Variants in ALMS1 observed in about 807,000 individuals in gnomAD.
The protein encoded by ALMS1 is ALMS1 centrosome and basal body associated protein.
A neutral mutation model predicts 352.2 loss-of-function variants in ALMS1; 271 were observed. The observed-to-expected ratio is 0.77, with a 90% confidence interval of 0.70 to 0.85. The LOEUF (loss-of-function observed/expected upper bound fraction) is 0.85. Ranked by LOEUF, ALMS1 falls within the 40% of genes least tolerant of loss-of-function variation. ALMS1 has a pLI of 0.00. For missense variants in ALMS1, 5,445 were observed against 4,870.7 expected, an observed-to-expected ratio of 1.12 and a Z score of -3.51; for synonymous variants, 1,865 against 1,761.2, an observed-to-expected ratio of 1.06 and a Z score of -1.48.
At chr2:73,494,563 A>G (rs1163363078) in intron 10 of ALMS1, among the ~76,000 whole-genome samples, 2 of 152,218 alleles carry the variant, frequency 1.3e-5, no homozygotes, top group Middle Eastern at 6.8e-3. Context: ...CCTCCAATCT[A>G]TGACAGTTTC....
At chr2:73,600,939 C>T (rs1447878033) in intron 18 of ALMS1, 58 bp downstream of exon 18, 103 of 1,548,514 alleles carry the variant, frequency 6.7e-5, no homozygotes, top group Non-Finnish European at 8.6e-5. Context: ...AAGTCCCCTG[C>T]GATGCTGACT....
At chr2:73,583,822 T>G (rs1046899341) in intron 16 of ALMS1, among the ~76,000 whole-genome samples, 1 of 152,190 alleles carries the variant, frequency 6.6e-6, no homozygotes, top group Non-Finnish European at 1.5e-5. Context: ...GCATGTTTTC[T>G]TATTTCATTG....
Position 73,491,318 on chromosome 2 carries a change from A to T in ALMS1, c.9359A>T (p.Lys3120Ile), listed in dbSNP as rs375038066. Residue 3120 changes from lysine (K) to isoleucine (I), a missense_variant, in exon 10 of 23, where the codon AAA (lysine) becomes ATA (isoleucine). By Grantham distance (102) the Lys-to-Ile change is moderately radical. Transcript: ENST00000613296. Reference sequence around the variant, plus strand: ...GAATCTTTAGGTTTTCTAGGACCTAAATCTTCACTGGATTTCCAAGTCGTA... The same window carrying T: ...GAATCTTTAGGTTTTCTAGGACCTATATCTTCACTGGATTTCCAAGTCGTA... ...DQESLGFLGPKSSLDFQVVQP... is the reference protein window; with the variant it reads ...DQESLGFLGPISSLDFQVVQP... 6.2e-7 allele frequency: 1 copy of T among 1,614,176 alleles called. No individual in the cohort carries two copies. Among genetic ancestry groups the T allele is most frequent in the Non-Finnish European group, 8.5e-7 (1 of 1,180,020 alleles).
At chr2:73,426,814 T>C (rs1269320110) in intron 6 of ALMS1, among the ~76,000 whole-genome samples, 1 of 152,190 alleles carries the variant, frequency 6.6e-6, no homozygotes, top group Non-Finnish European at 1.5e-5. Flanking sequence ...CCTGTAAGTT[T>C]TTCTATTTGA....
In ALMS1 at chr2:73,601,393, C is replaced by G; in HGVS notation, c.12071C>G (p.Ala4024Gly). Residue 4024 changes from alanine to glycine, a missense_variant, in exon 19 of 23, where the codon GCT (alanine) becomes GGT (glycine). Ala to Gly is a moderately conservative substitution (Grantham distance 60, BLOSUM62 0). Coordinates refer to ENST00000613296, the MANE Select transcript of ALMS1 (RefSeq NM_001378454.1). Reference protein sequence around the residue: ...RGYLAGPGREAGRDLLRPFVR... With the variant: ...RGYLAGPGREGGRDLLRPFVR... The stretch of plus-strand genomic sequence containing the variant: ...TACCTGGCAGGCCCAGGCAGAGAGG[C>G]TGGCAGAGACCTACTGAGGCCATTT... 1 of 1,614,084 alleles carries G rather than the reference C, an allele frequency of 6.2e-7. No homozygotes were observed. Among genetic ancestry groups the G allele is most frequent in the East Asian group, 2.2e-5 (1 of 44,878 alleles).
At chr2:73,591,971 C>T (rs866473882) in intron 16 of ALMS1, among the ~76,000 whole-genome samples, 16 of 152,282 alleles carry the variant, frequency 1.1e-4, no homozygotes, top group Middle Eastern at 3.4e-3. Context: ...AAAGCCCTAC[C>T]ATTATCTGGG....
At chr2:73,550,164 G>T (rs1674399405) in intron 12 of ALMS1, 103 bp from the exon 13 acceptor site, 2 of 1,276,268 alleles carry the variant, frequency 1.6e-6, no homozygotes, top group Non-Finnish European at 2.2e-6. Context: ...CTGGCCTGTA[G>T]TGCTTTTTTC....
intron 14 of ALMS1, among the ~76,000 whole-genome samples, chr2:73,557,652 T>G (rs190030345): frequency 6.6e-6 from 1 of 152,360 alleles, no homozygotes; most frequent in East Asian, 1.9e-4. Context: ...CCTCCGCTGA[T>G]AAAATCTCTC....
chr2:73,545,924 G>A (rs184601080), intron 12 of ALMS1, among the ~76,000 whole-genome samples: 1 of 152,106 alleles, frequency 6.6e-6, no homozygotes, highest in Non-Finnish European at 1.5e-5. Context: ...TGTAGTGTAG[G>A]CATCTTATCT....
At chr2:73,529,656 A>G (rs370410436) in intron 11 of ALMS1, among the ~76,000 whole-genome samples, 31 of 152,264 alleles carry the variant, frequency 2.0e-4, no homozygotes, top group African/African-American at 7.0e-4. Flanking sequence ...GCCTAGTAAC[A>G]CTGTGGCTCT....
At chr2:73,396,958 TA>T in intron 1 of ALMS1, among the ~76,000 whole-genome samples, 1 of 152,212 alleles carries the variant, frequency 6.6e-6, no homozygotes, top group South Asian at 2.1e-4. Context: ...TAGGCTCTGG[TA>T]AAATAGTTTG....
chr2:73,415,924 G>C (rs1671173976), intron 2 of ALMS1, among the ~76,000 whole-genome samples: 1 of 152,190 alleles, frequency 6.6e-6, no homozygotes, highest in Admixed American at 6.5e-5. Flanking sequence ...ATAAAGAAAA[G>C]TATAAATGTG....
At chr2:73,513,899 T>G (rs55899206) in intron 10 of ALMS1, among the ~76,000 whole-genome samples, 3,089 of 152,242 alleles carry the variant, frequency 0.02, 109 homozygotes, top group African/African-American at 0.07. Context: ...TTCTGATACC[T>G]TGCTCTGGCC....
Position 73,519,069 on chromosome 2 carries a change from T to A in ALMS1, c.9540-706T>A, listed in dbSNP as rs76704620. 5.9e-5 allele frequency among the ~76,000 whole-genome samples: 9 copies of A among 152,320 alleles called. No homozygotes were observed. The East Asian group carries it at 1.3e-3, about 23-fold the overall frequency. The stretch of plus-strand genomic sequence containing the variant: ...CATCATCACTGGTGATGTTAACTGA[T>A]CACTTGGATAAGGCAGTGCTTGCTA... On this transcript the variant is annotated intron_variant, in intron 10 of 22. Coordinates refer to ENST00000613296, the MANE Select transcript of ALMS1 (RefSeq NM_001378454.1).
chr2:73,521,891 CTG>C (rs759878601), intron 11 of ALMS1, among the ~76,000 whole-genome samples: 1 of 152,086 alleles, frequency 6.6e-6, no homozygotes, highest in Non-Finnish European at 1.5e-5. Flanking sequence ...ATTTTCAACA[CTG>C]TGGGTCAAAA....
chr2:73,567,126 G>A (rs920699347), intron 15 of ALMS1, among the ~76,000 whole-genome samples: 1 of 152,124 alleles, frequency 6.6e-6, no homozygotes, highest in Non-Finnish European at 1.5e-5. Flanking sequence ...TTGGTGATTG[G>A]CTCAACCTGC....
chr2:73,529,823 CAGA>C (rs1022435881), intron 11 of ALMS1, among the ~76,000 whole-genome samples: 2 of 152,126 alleles, frequency 1.3e-5, no homozygotes, highest in African/African-American at 4.8e-5. Flanking sequence ...ACAATCATGG[CAGA>C]AGGTGAAGGG....
chr2:73,513,523 C>T lies in ALMS1; in HGVS notation c.9540-6252C>T, dbSNP rs115353526. Among the ~76,000 whole-genome samples, 338 of 152,288 alleles carry T rather than the reference C, an allele frequency of 2.2e-3. 2 individuals carry two copies. Among genetic ancestry groups the T allele is most frequent in the African/African-American group, 7.6e-3 (317 of 41,562 alleles). ...CATTCAAGGTCAGACTGACTCCTGT[C>T]ACCCTGCTTGAGTAGTGACTCACCA... On this transcript the variant is annotated intron_variant, in intron 10 of 22. Coordinates refer to ENST00000613296, the MANE Select transcript of ALMS1 (RefSeq NM_001378454.1).
intron 2 of ALMS1, among the ~76,000 whole-genome samples, chr2:73,411,139 G>T (rs1002710165): frequency 9.9e-5 from 15 of 151,870 alleles, no homozygotes; most frequent in Non-Finnish European, 2.2e-4. Flanking sequence ...ACTGGAGTAG[G>T]GTTTGCTCTT....
Sources: gnomAD v4.1 joint callset for allele counts (sites outside exome capture counted in the v4.1 genomes callset) on GRCh38, gnomAD v4.1.1 for gene constraint, MANE v1.5 for transcripts, NCBI Gene and HGNC (gene_info 2026-07-23, HGNC 2026-07-21) for gene names.